TMEM232: variants seen among roughly 807,000 people sequenced by gnomAD.
The protein encoded by TMEM232 is transmembrane protein 232.
Under a neutral mutation model 78.8 loss-of-function variants are expected in TMEM232, and 80 were observed. That is an observed-to-expected ratio of 1.01 (90% CI 0.85 to 1.22). The LOEUF (loss-of-function observed/expected upper bound fraction) is 1.22, where lower values mean the gene tolerates loss of function less well. TMEM232 is among the 50% of genes most tolerant of loss of function. The pLI, the probability that TMEM232 is intolerant of heterozygous loss-of-function variation, is 0.00. For synonymous variants in TMEM232, 297 were observed against 254.3 expected, an observed-to-expected ratio of 1.17 and a Z score of -1.60; for missense variants, 881 against 742.2, an observed-to-expected ratio of 1.19 and a Z score of -2.17.
chr5:110,445,238 G>A (rs1759519047), intron 12 of TMEM232, among the ~76,000 whole-genome samples: 1 of 151,380 alleles, frequency 6.6e-6, no homozygotes, highest in African/African-American at 2.4e-5. Flanking sequence ...TCAAATATTT[G>A]ATGAGTCTTA....
chr5:110,729,588 T>C (rs1389745627), upstream of TMEM232, among the ~76,000 whole-genome samples: 3 of 152,236 alleles, frequency 2.0e-5, no homozygotes, highest in Non-Finnish European at 4.4e-5. Context: ...TGTGTTGGAA[T>C]ATGACAGAAG....
At chr5:110,478,587 C>T (rs1055078004) in intron 12 of TMEM232, among the ~76,000 whole-genome samples, 19 of 151,552 alleles carry the variant, frequency 1.3e-4, no homozygotes, top group Admixed American at 1.3e-4. Flanking sequence ...GTAAATTATA[C>T]AAAATAAGAT....
intron 10 of TMEM232, among the ~76,000 whole-genome samples, chr5:110,589,604 T>C (rs922239323): frequency 3.9e-5 from 6 of 152,144 alleles, no homozygotes; most frequent in Non-Finnish European, 7.4e-5. Context: ...TTATTAATTA[T>C]ACTTCTTTGG....
At chr5:110,422,649 G>T (rs547521596) in intron 13 of TMEM232, among the ~76,000 whole-genome samples, 12 of 150,452 alleles carry the variant, frequency 8.0e-5, no homozygotes, top group African/African-American at 2.7e-4. Context: ...ACATATAAAA[G>T]CAGCCAAGAA....
rs564800086 is a variant in TMEM232 at position 110,470,217 on chromosome 5, C to T, written c.1704-45301G>A. ...AACATCTAGAAAACCTTCTCTTCCCCAGGGACGGGCCTGTGCTGTGCCCTG... is the reference window on the plus strand; with the variant it reads ...AACATCTAGAAAACCTTCTCTTCCCTAGGGACGGGCCTGTGCTGTGCCCTG... On this transcript the variant is annotated intron_variant, in intron 12 of 13. Transcript: ENST00000455884. 2.0e-5 allele frequency among the ~76,000 whole-genome samples: 3 copies of T among 152,238 alleles called. No homozygotes were observed. In the East Asian group the frequency reaches 5.8e-4, roughly 30 times the overall value.
intron 12 of TMEM232, among the ~76,000 whole-genome samples, chr5:110,445,500 C>A (rs1759549334): frequency 6.6e-6 from 1 of 152,118 alleles, no homozygotes; most frequent in Non-Finnish European, 1.5e-5. Flanking sequence ...GTTTCTGGGG[C>A]ATGTTGAATA....
intron 10 of TMEM232, among the ~76,000 whole-genome samples, chr5:110,602,584 C>T (rs769810698): frequency 6.6e-6 from 1 of 152,050 alleles, no homozygotes; most frequent in Non-Finnish European, 1.5e-5. Context: ...AAGTCAAAAC[C>T]ACAATGAGAT....
intron 11 of TMEM232, among the ~76,000 whole-genome samples, chr5:110,552,838 C>A (rs532502980): frequency 6.6e-6 from 1 of 152,152 alleles, no homozygotes; most frequent in South Asian, 2.1e-4. Context: ...GAATGGTATT[C>A]CCTAGGCTTT....
At chr5:110,638,896 A>T (rs963483327) in intron 4 of TMEM232, among the ~76,000 whole-genome samples, 17 of 152,226 alleles carry the variant, frequency 1.1e-4, no homozygotes, top group African/African-American at 3.6e-4. Context: ...ATAAAAAGGG[A>T]ATAGCAGAAG....
chr5:110,587,697 G>A (rs1426245493), intron 10 of TMEM232, among the ~76,000 whole-genome samples: 382 of 68,156 alleles, frequency 5.6e-3, no homozygotes, highest in African/African-American at 0.039. Flanking sequence ...ATATATGTGT[G>A]TGTGTGTGTG....
intron 12 of TMEM232, among the ~76,000 whole-genome samples, chr5:110,437,873 A>C (rs369475084): frequency 1.1e-4 from 17 of 152,252 alleles, no homozygotes; most frequent in African/African-American, 4.1e-4. Flanking sequence ...TCTTGTACCT[A>C]GATAGGGCCA....
At chr5:110,517,111 G>A (rs571204990) in intron 12 of TMEM232, among the ~76,000 whole-genome samples, 7 of 152,146 alleles carry the variant, frequency 4.6e-5, no homozygotes, top group African/African-American at 7.2e-5. Context: ...ATATAGGCAC[G>A]CTAAATGAGG....
chr5:110,738,736 C>A (rs1799486968), upstream of TMEM232: 1 of 263,418 alleles, frequency 3.8e-6, no homozygotes, highest in Non-Finnish European at 7.2e-6. Context: ...TAGGCTCCAC[C>A]CGCGGGTTAT....
chr5:110,706,403 TATTG>T (rs1795934755), intron 1 of TMEM232, among the ~76,000 whole-genome samples: 1 of 152,158 alleles, frequency 6.6e-6, no homozygotes, highest in African/African-American at 2.4e-5. Context: ...CTCACTGTAT[TATTG>T]ATTATTTTTC....
rs201426632 is a variant in TMEM232, at chr5:110,518,144, C to A, written c.1703+10444G>T. On this transcript the variant is annotated intron_variant, in intron 12 of 13. Transcript: ENST00000455884. ...GTCTACTCTCTCTCTCTCTCTCTCT[C>A]TTTCTCTGTCTCTCTTTCATCTCTT... Among the ~76,000 whole-genome samples the A allele has an allele frequency of 2.0e-5, 3 of 146,494 alleles. No individual in the cohort carries two copies. The East Asian group carries it at 6.1e-4, about 30-fold the overall frequency.
chr5:110,738,263 C>T (rs1799418275), upstream of TMEM232: 2 of 1,282,628 alleles, frequency 1.6e-6, no homozygotes, highest in South Asian at 1.2e-5. Flanking sequence ...AGGGGACGCT[C>T]TACAGTAGTC....
chr5:110,579,925 T>C (rs532871163), intron 10 of TMEM232, among the ~76,000 whole-genome samples: 1 of 151,862 alleles, frequency 6.6e-6, no homozygotes, highest in South Asian at 2.1e-4. Flanking sequence ...AGGGGGTCAC[T>C]TTATATTTAA....
At chr5:110,600,850 C>A (rs953137351) in intron 10 of TMEM232, among the ~76,000 whole-genome samples, 1 of 151,988 alleles carries the variant, frequency 6.6e-6, no homozygotes, top group Admixed American at 6.6e-5. Context: ...TTGGCAGAGA[C>A]ACAACAAAAA....
At chr5:110,401,980 C>A (rs1654105163) in intron 2 of TMEM232, among the ~76,000 whole-genome samples, 1 of 151,978 alleles carries the variant, frequency 6.6e-6, no homozygotes, top group Non-Finnish European at 1.5e-5. Flanking sequence ...TCAGTTGTTA[C>A]CTGTCATTGC....
Sources: allele counts gnomAD v4.1 joint callset (sites outside exome capture counted in the v4.1 genomes callset), GRCh38; gene constraint gnomAD v4.1.1; transcripts MANE v1.5; gene names NCBI Gene and HGNC (gene_info 2026-07-23, HGNC 2026-07-21).